MAN2B1: variants seen among roughly 807,000 people sequenced by gnomAD.
The protein encoded by MAN2B1 is mannosidase alpha class 2B member 1.
In MAN2B1, 99 loss-of-function variants were observed where a neutral mutation model predicts 127.5. That is an observed-to-expected ratio of 0.78 (90% CI 0.66 to 0.92). The LOEUF (loss-of-function observed/expected upper bound fraction) is 0.92. MAN2B1 is among the 40% of genes least tolerant of loss of function. The pLI is 0.00. For synonymous variants in MAN2B1, 573 were observed against 568.8 expected (o/e 1.01, Z -0.11); for missense variants, 1,304 against 1,384.8 (o/e 0.94, Z 0.93).
At chr19:12,656,378 G>A in intron 13 of MAN2B1, 193 bp downstream of exon 13, 1 of 572,734 alleles carries the variant, frequency 1.7e-6, no homozygotes, top group Non-Finnish European at 3.1e-6. Context: ...AAAAAGGGAG[G>A]ACCACTCACA....
intron 16 of MAN2B1, among the ~76,000 whole-genome samples, chr19:12,650,674 CTT>C (rs1343533028): frequency 8.0e-5 from 10 of 124,354 alleles, no homozygotes; most frequent in Middle Eastern, 6.2e-3. Flanking sequence ...ATTCTTTTTT[CTT>C]TTTTTTTTTT....
chr19:12,646,875 C>T (rs1214762448), intron 23 of MAN2B1, 143 bp from the exon 24 acceptor site: 3 of 663,778 alleles, frequency 4.5e-6, no homozygotes, highest in Non-Finnish European at 8.0e-6. Context: ...TCTTAACCTG[C>T]TTCCCCGGCC....
chr19:12,657,167 C>T (rs201393600), intron 11 of MAN2B1, 111 bp from the exon 12 acceptor site: 128 of 752,432 alleles, frequency 1.7e-4, no homozygotes, highest in Non-Finnish European at 2.2e-4. Flanking sequence ...TCAAGAGTCG[C>T]CCCAAAACCC....
intron 20 of MAN2B1, 139 bp from the exon 21 acceptor site, chr19:12,648,541 T>C (rs1484106440): frequency 1.3e-5 from 9 of 676,400 alleles, no homozygotes; most frequent in Non-Finnish European, 2.0e-5. Context: ...GGTGAGGGTC[T>C]GGTAGGGCAA....
At chr19:12,661,136 T>A in intron 7 of MAN2B1, 124 bp downstream of exon 7, 1 of 765,298 alleles carries the variant, frequency 1.3e-6, no homozygotes, top group Non-Finnish European at 2.4e-6. Context: ...TGGTCATTTG[T>A]TATAGAATGA....
chr19:12,656,140 A>C, intron 13 of MAN2B1: 1 of 399,638 alleles, frequency 2.5e-6, no homozygotes. Flanking sequence ...CCCTTGAGGC[A>C]GGTTCTCGGG....
At position 12,665,738 on chromosome 19, in the gene MAN2B1, C is replaced by T. The variant is rs2024218349; in HGVS notation, c.227G>A (p.Gly76Asp). ...HLLPHTHDDV[G>D]WLKTVDQYFY... ...GTACTGGTCCACGGTTTTGAGCCAG[C>T]CCACGTCATCATGTGTGTGAGGCAG... The change falls in exon 2 of 24, where the codon GGC (glycine) becomes GAC (aspartate). Residue 76 changes from glycine (G) to aspartate (D), a missense_variant. Gly to Asp is a moderately conservative substitution (Grantham distance 94, BLOSUM62 -1). Transcript: ENST00000456935. 1.9e-6 allele frequency: 3 copies of T among 1,614,044 alleles called. No homozygotes were observed. In the African/African-American group the frequency reaches 4.0e-5, roughly 22 times the overall value.
At chr19:12,660,449 C>G (rs2024074423) in intron 7 of MAN2B1, among the ~76,000 whole-genome samples, 1 of 151,956 alleles carries the variant, frequency 6.6e-6, no homozygotes. Flanking sequence ...TTGCAGTGAG[C>G]CGAGAGCACG....
intron 12 of MAN2B1, 55 bp from the exon 13 acceptor site, chr19:12,656,742 C>T: frequency 7.4e-7 from 1 of 1,354,658 alleles, no homozygotes; most frequent in Non-Finnish European, 1.1e-6. Flanking sequence ...TCTCCAAACC[C>T]ACCCACTTTG....
Position 12,658,080 on chromosome 19 carries a change from C to G in MAN2B1, c.1292G>C (p.Gly431Ala), listed in dbSNP as rs2024013991. The change falls in exon 10 of 24, where the codon GGA becomes GCA. Residue 431 changes from glycine to alanine, a missense_variant. Gly to Ala is a moderately conservative substitution (Grantham distance 60). Transcript: ENST00000456935. ...LAANVGPYGS[G>A]DSAPLNEAMA... is the part of the protein sequence containing the mutation. ...ACACTTACTGAGGGGTGCACTGTCT[C>G]CGGAGCCATAGGGTCCCACGTTGGC... is the stretch of plus-strand genomic sequence containing the variant. The G allele has an allele frequency of 3.1e-6, 5 of 1,613,252 alleles. No individual in the cohort carries two copies. The highest frequency in any genetic ancestry group is 3.4e-6 in the Non-Finnish European group (4 of 1,179,972).
chr19:12,654,029 T>C (rs1397820281), intron 14 of MAN2B1, among the ~76,000 whole-genome samples: 1 of 150,166 alleles, frequency 6.7e-6, no homozygotes, highest in Admixed American at 6.6e-5. Context: ...CAGCCTTTTC[T>C]TTTTTTCTTT....
At chr19:12,663,596 C>G in intron 5 of MAN2B1, 107 bp downstream of exon 5, 1 of 1,541,870 alleles carries the variant, frequency 6.5e-7, no homozygotes, top group South Asian at 1.2e-5. Context: ...GCCTTTGTTC[C>G]CAGACTATAG....
Position 12,658,286 on chromosome 19 carries a change from C to T in MAN2B1, c.1168G>A (p.Gly390Ser). The change falls in exon 9 of 24, where the codon GGT becomes AGT. Residue 390 changes from glycine to serine, a missense_variant. Gly to Ser is a moderately conservative substitution (Grantham distance 56, BLOSUM62 0). Coordinates refer to ENST00000456935, the MANE Select transcript of MAN2B1 (RefSeq NM_000528.4). ...YADGPHQFWT[G>S]YFSSRPALKR... ...AGGGCCGGCCGACTGGAAAAGTAAC[C>T]GGTCCAGAACTGGTGGGGGCCATCC... is the stretch of plus-strand genomic sequence containing the variant. 6.2e-7 allele frequency: 1 copy of T among 1,614,190 alleles called. No individual in the cohort carries two copies. The highest frequency in any genetic ancestry group is 8.5e-7 in the Non-Finnish European group (1 of 1,180,034).
chr19:12,650,795 C>T lies in MAN2B1; in HGVS notation c.2047-573G>A, dbSNP rs560450523. Among the ~76,000 whole-genome samples the T allele has an allele frequency of 4.6e-5, 7 of 152,050 alleles. No homozygotes were observed. The East Asian group carries it at 7.7e-4, about 17-fold the overall frequency. On this transcript the variant is annotated intron_variant, in intron 16 of 23. Transcript: ENST00000456935. ...AAGCAATTCTCCTGCCTCAGCCTCC[C>T]GAGTAGAGGGATTGCAGGTACCTGC... is the stretch of plus-strand genomic sequence containing the variant.
In MAN2B1 at chr19:12,656,556, G is replaced by A. The variant is rs1198594053; in HGVS notation, c.1644+15C>T. The A allele has an allele frequency of 4.4e-6, 7 of 1,592,320 alleles. No individual in the cohort carries two copies. Among genetic ancestry groups the A allele is most frequent in the Admixed American group, 3.3e-5 (2 of 59,980 alleles). The stretch of plus-strand genomic sequence containing the variant: ...GAGGAGTCCCAGCGGGGGAATATTC[G>A]TTGTTTGGGCTCACATCGCTGGGCA... On this transcript the variant is annotated intron_variant, in intron 13 of 23. Coordinates refer to ENST00000456935, the MANE Select transcript of MAN2B1 (RefSeq NM_000528.4).
chr19:12,649,761 C>T (rs2023796578), intron 18 of MAN2B1, 152 bp downstream of exon 18: 3 of 710,718 alleles, frequency 4.2e-6, no homozygotes, highest in South Asian at 1.6e-5. Context: ...GGATTACAGG[C>T]GTGAGCCACT....
At chr19:12,656,729 C>A in intron 12 of MAN2B1, 42 bp from the exon 13 acceptor site, 2 of 1,442,800 alleles carry the variant, frequency 1.4e-6, no homozygotes, top group Non-Finnish European at 2.0e-6. Flanking sequence ...TCACAGCAGG[C>A]CTTCTCCAAA....
At chr19:12,652,051 G>A in intron 16 of MAN2B1, 102 bp downstream of exon 16, 1 of 901,942 alleles carries the variant, frequency 1.1e-6, no homozygotes, top group Admixed American at 1.7e-5. Flanking sequence ...TGAAGGAAAA[G>A]TAAATCCTCC....
Position 12,647,788 on chromosome 19 carries a change from T to C in MAN2B1, c.2665-190A>G. 1 of 610,004 alleles carries C rather than the reference T, an allele frequency of 1.6e-6. No individual in the cohort carries two copies. The highest frequency in any genetic ancestry group is 2.9e-6 in the Non-Finnish European group (1 of 346,152). The allele number at this position is 610,004 out of a possible 1,614,324, so 37.8% of individuals were successfully genotyped here. A position where few individuals can be genotyped will look rare whatever the true frequency, so the allele number is the denominator to read the frequency against. ...CTGAGCCAATGGGGAGATGGGTCGG[T>C]CCCAAGCTTAGGGTTCGAGTCCCGA... On this transcript the variant is annotated intron_variant, in intron 21 of 23. Coordinates refer to ENST00000456935, the MANE Select transcript of MAN2B1 (RefSeq NM_000528.4). The surrounding 1 kb of genome is among the most constrained non-coding windows in gnomAD (Gnocchi z 4.9).
Sources: allele counts gnomAD v4.1 joint callset (sites outside exome capture counted in the v4.1 genomes callset), GRCh38; gene constraint gnomAD v4.1.1; non-coding constraint Gnocchi (gnomAD v3.1); transcripts MANE v1.5; gene names NCBI Gene and HGNC (gene_info 2026-07-23, HGNC 2026-07-21).